Variants in POLR3B observed in about 807,000 individuals in gnomAD.
POLR3B encodes DNA-directed RNA polymerase III subunit RPC2.
In POLR3B, 96 loss-of-function variants were observed where a neutral mutation model predicts 147.4. That is an observed-to-expected ratio of 0.65 (90% CI 0.55 to 0.77). POLR3B has a LOEUF of 0.77. Ranked by LOEUF, POLR3B falls within the 30% of genes least tolerant of loss-of-function variation. POLR3B has a pLI of 0.00. For synonymous variants in POLR3B, 461 were observed against 485.9 expected (o/e 0.95, Z 0.67); for missense variants, 1,036 against 1,413.5 (o/e 0.73, Z 4.28).
chr12:106,398,422 CAA>C (rs1469608179), intron 10 of POLR3B, among the ~76,000 whole-genome samples: 11 of 152,170 alleles, frequency 7.2e-5, no homozygotes, highest in Non-Finnish European at 1.5e-4. Context: ...CACAGACAAA[CAA>C]AAAGACAGCA....
In POLR3B at chr12:106,376,446, T is replaced by G; in HGVS notation, c.492T>G (p.Asp164Glu). The change falls in exon 7 of 28, where the codon GAT becomes GAG. Residue 164 changes from aspartate (D) to glutamate (E), a missense_variant. Physicochemically the swap from Asp to Glu is conservative, Grantham distance 45. Coordinates refer to ENST00000228347, the MANE Select transcript of POLR3B (RefSeq NM_018082.6). Reference sequence around the variant, plus strand: ...CCAAACTGAACGAATGTCCCTTAGATCCAGGTATGTGTGAAGTCTTGGATT... The same window carrying G: ...CCAAACTGAACGAATGTCCCTTAGAGCCAGGTATGTGTGAAGTCTTGGATT... Reference protein sequence around the residue: ...EFAKLNECPLDPGGYFIVKGV... With the variant: ...EFAKLNECPLEPGGYFIVKGV... The G allele has an allele frequency of 6.2e-7, 1 of 1,604,776 alleles. No individual in the cohort carries two copies. Among genetic ancestry groups the G allele is most frequent in the East Asian group, 2.2e-5 (1 of 44,820 alleles).
At chr12:106,475,324 G>GA (rs1387656200) in intron 23 of POLR3B, among the ~76,000 whole-genome samples, 3 of 108,372 alleles carry the variant, frequency 2.8e-5, no homozygotes, top group Non-Finnish European at 5.5e-5. Context: ...GTGTGGTGCT[G>GA]AAAAAAATGT....
At chr12:106,503,887 G>T (rs1167969175) in intron 26 of POLR3B, among the ~76,000 whole-genome samples, 194 bp from the exon 27 acceptor site, 1 of 152,088 alleles carries the variant, frequency 6.6e-6, no homozygotes, top group East Asian at 1.9e-4. Context: ...CTCAATTGAG[G>T]CTCTTTGGGA....
At chr12:106,397,500 G>A (rs1593017606) in intron 10 of POLR3B, among the ~76,000 whole-genome samples, 3 of 151,992 alleles carry the variant, frequency 2.0e-5, no homozygotes, top group South Asian at 2.1e-4. Context: ...CTTTATATAT[G>A]GAATTAGGCA....
chr12:106,358,531 A>G (rs1433541311), intron 1 of POLR3B, among the ~76,000 whole-genome samples: 2 of 152,216 alleles, frequency 1.3e-5, no homozygotes, highest in African/African-American at 4.8e-5. Flanking sequence ...CAGCTGCCCC[A>G]CAGCGAGCTG....
chr12:106,443,147 C>G (rs2137015466), intron 18 of POLR3B, among the ~76,000 whole-genome samples: 1 of 152,176 alleles, frequency 6.6e-6, no homozygotes, highest in Non-Finnish European at 1.5e-5. Flanking sequence ...AATATTATAT[C>G]AACAGGTAAT....
intron 13 of POLR3B, 78 bp downstream of exon 13, chr12:106,427,436 T>C: frequency 7.8e-7 from 1 of 1,274,114 alleles, no homozygotes; most frequent in Non-Finnish European, 1.1e-6. Flanking sequence ...TTAAAGCACT[T>C]TGAGAATCCA....
At position 106,442,089 on chromosome 12, in the gene POLR3B, A is replaced by G. The variant is rs538451132; in HGVS notation, c.1956-2374A>G. Among the ~76,000 whole-genome samples, 36 of 143,862 alleles carry G rather than the reference A, an allele frequency of 2.5e-4. 2 individuals carry two copies. Among genetic ancestry groups the G allele is most frequent in the Admixed American group, 2.4e-3 (35 of 14,776 alleles). 94.4% of individuals were successfully genotyped at this position (143,862 alleles called of 152,430 possible). A position where few individuals can be genotyped will look rare whatever the true frequency, so the allele number is the denominator to read the frequency against. ...GAGCGAAAATCCGCCTCAAAAAAAA[A>G]AAAGAAAGAAAGAAAGAAAGAAATC... On this transcript the variant is annotated intron_variant, in intron 18 of 27. Coordinates refer to ENST00000228347, the MANE Select transcript of POLR3B (RefSeq NM_018082.6).
intron 25 of POLR3B, chr12:106,499,977 G>A: frequency 5.0e-6 from 2 of 403,484 alleles, no homozygotes; most frequent in Admixed American, 5.8e-5. Flanking sequence ...TTTACATCAT[G>A]CTGTACCCCA....
intron 14 of POLR3B, among the ~76,000 whole-genome samples, chr12:106,431,703 A>G (rs1239874668): frequency 1.3e-5 from 2 of 152,242 alleles, no homozygotes; most frequent in Non-Finnish European, 2.9e-5. Context: ...GAACAATACT[A>G]TAATCTATGG....
intron 22 of POLR3B, among the ~76,000 whole-genome samples, chr12:106,462,884 C>A (rs1263340557): frequency 6.6e-6 from 1 of 152,106 alleles, no homozygotes; most frequent in Non-Finnish European, 1.5e-5. Context: ...CCACCCCCAG[C>A]AGAATTGACT....
rs550155947 is a variant in POLR3B at position 106,433,063 on chromosome 12, A to C, written c.1627+583A>C. ...AGTATGCTCCATGAGCTTATCCCTT[A>C]TCACTTGTCTGTTCTCTCTTCCTCT... On this transcript the variant is annotated intron_variant, in intron 15 of 27. Coordinates refer to ENST00000228347, the MANE Select transcript of POLR3B (RefSeq NM_018082.6). 5.9e-5 allele frequency among the ~76,000 whole-genome samples: 9 copies of C among 152,130 alleles called. No homozygotes were observed. The South Asian group carries it at 1.9e-3, about 32-fold the overall frequency.
At chr12:106,458,059 G>A (rs971820645) in intron 21 of POLR3B, among the ~76,000 whole-genome samples, 2 of 152,132 alleles carry the variant, frequency 1.3e-5, no homozygotes, top group Non-Finnish European at 2.9e-5. Context: ...GGTGGGTGAC[G>A]CAAGGGGTAG....
intron 24 of POLR3B, 112 bp from the exon 25 acceptor site, chr12:106,496,640 A>T: frequency 1.1e-6 from 1 of 914,040 alleles, no homozygotes; most frequent in Non-Finnish European, 1.8e-6. Context: ...TGCTTCTATT[A>T]ATTTATTACT....
chr12:106,385,340 T>C (rs867588269), intron 9 of POLR3B, among the ~76,000 whole-genome samples: 7 of 152,206 alleles, frequency 4.6e-5, no homozygotes, highest in African/African-American at 1.4e-4. Flanking sequence ...AAAATGAATC[T>C]TGATAACCAG....
chr12:106,504,026 C>G lies in POLR3B; in HGVS notation c.3099-55C>G. 6.6e-7 allele frequency: 1 copy of G among 1,525,738 alleles called. No homozygotes were observed. Among genetic ancestry groups the G allele is most frequent in the Non-Finnish European group, 9.1e-7 (1 of 1,099,230 alleles). The allele number at this position is 1,525,738 out of a possible 1,614,324, so 94.5% of individuals were successfully genotyped here. ...GCTCTCTGCCAGCATGTGATGCTAC[C>G]TCTTTGTTTGTTTAACAGAATAATA... On this transcript the variant is annotated intron_variant, in intron 26 of 27. Coordinates refer to ENST00000228347, the MANE Select transcript of POLR3B (RefSeq NM_018082.6). The surrounding 1 kb of genome is among the most constrained non-coding windows in gnomAD (Gnocchi z 4.6).
At chr12:106,447,670 C>G (rs2037741413) in intron 19 of POLR3B, among the ~76,000 whole-genome samples, 1 of 152,194 alleles carries the variant, frequency 6.6e-6, no homozygotes, top group African/African-American at 2.4e-5. Flanking sequence ...CATATCCTGC[C>G]CATTTATTAG....
chr12:106,386,674 G>A (rs931053281), intron 9 of POLR3B, among the ~76,000 whole-genome samples: 5 of 152,054 alleles, frequency 3.3e-5, no homozygotes, highest in Non-Finnish European at 5.9e-5. Flanking sequence ...TTGGGAGGCC[G>A]AGGTGGGCGG....
chr12:106,451,631 G>A (rs1158363234), intron 19 of POLR3B, among the ~76,000 whole-genome samples: 2 of 108,744 alleles, frequency 1.8e-5, no homozygotes, highest in African/African-American at 4.2e-5. Context: ...TTTAAAAAAA[G>A]GCGGGGGGGG....
Sources: gnomAD v4.1 joint callset for allele counts (sites outside exome capture counted in the v4.1 genomes callset) on GRCh38, gnomAD v4.1.1 for gene constraint, Gnocchi (gnomAD v3.1) non-coding constraint, MANE v1.5 for transcripts, NCBI Gene and HGNC (gene_info 2026-07-23, HGNC 2026-07-21) for gene names.